Variants in SCAPER observed in about 807,000 individuals in gnomAD.
The protein encoded by SCAPER is S phase cyclin A-associated protein in the endoplasmic reticulum.
Under a neutral mutation model 182.2 loss-of-function variants are expected in SCAPER, and 98 were observed. The ratio of observed to expected loss-of-function variants is 0.54; its 90% CI spans 0.46 to 0.64. The LOEUF (loss-of-function observed/expected upper bound fraction) is 0.64. SCAPER is among the 30% of genes least tolerant of loss of function. The pLI is 0.00. For missense variants in SCAPER, 1,432 were observed against 1,690.0 expected, an observed-to-expected ratio of 0.85 and a Z score of 2.68; for synonymous variants, 605 against 564.6, an observed-to-expected ratio of 1.07 and a Z score of -1.01.
intron 26 of SCAPER, among the ~76,000 whole-genome samples, chr15:76,413,157 G>A (rs577782666): frequency 2.0e-5 from 3 of 151,930 alleles, no homozygotes; most frequent in African/African-American, 4.8e-5. Context: ...TTTTCTATAC[G>A]TGCAATCATG....
intron 4 of SCAPER, among the ~76,000 whole-genome samples, chr15:76,846,587 G>C (rs912082840): frequency 6.6e-6 from 1 of 152,008 alleles, no homozygotes; most frequent in Admixed American, 6.6e-5. Context: ...TGGCAAACAG[G>C]CATATGAAAA....
chr15:76,537,785 T>C (rs1318208420), intron 23 of SCAPER, among the ~76,000 whole-genome samples: 4 of 152,178 alleles, frequency 2.6e-5, no homozygotes, highest in Admixed American at 1.3e-4. Flanking sequence ...ACAGGCAACC[T>C]ACAAAATGGG....
intron 5 of SCAPER, among the ~76,000 whole-genome samples, chr15:76,825,908 C>A (rs1052593041): frequency 6.6e-6 from 1 of 152,146 alleles, no homozygotes; most frequent in Non-Finnish European, 1.5e-5. Flanking sequence ...CCACGCCCAG[C>A]TAATTTTTGT....
In SCAPER at chr15:76,672,813, C is replaced by A. The variant is rs539645005; in HGVS notation, c.2509-7024G>T. Among the ~76,000 whole-genome samples the A allele has an allele frequency of 8.6e-4, 131 of 152,098 alleles. 1 individual carries two copies. Among genetic ancestry groups the A allele is most frequent in the Non-Finnish European group, 1.4e-3 (95 of 67,940 alleles). Reference sequence around the variant, plus strand: ...AAACTTTCAAGAATATAAAAAGAATCGCTTCTCAGCCTTTTGGCTAAGATC... The same window carrying A: ...AAACTTTCAAGAATATAAAAAGAATAGCTTCTCAGCCTTTTGGCTAAGATC... On this transcript the variant is annotated intron_variant, in intron 20 of 31. Coordinates refer to ENST00000563290, the MANE Select transcript of SCAPER (RefSeq NM_020843.4).
chr15:76,782,228 G>T (rs2064202102), intron 8 of SCAPER, among the ~76,000 whole-genome samples: 1 of 152,008 alleles, frequency 6.6e-6, no homozygotes, highest in Admixed American at 6.6e-5. Flanking sequence ...AAAAACAGGG[G>T]TTGCAATCCT....
At chr15:76,745,292 T>A (rs991531572) in intron 15 of SCAPER, among the ~76,000 whole-genome samples, 1 of 151,654 alleles carries the variant, frequency 6.6e-6, no homozygotes, top group Non-Finnish European at 1.5e-5. Context: ...AATAAAAAAA[T>A]AAAAAAATTA....
chr15:76,563,967 C>A (rs1165848150), intron 23 of SCAPER, among the ~76,000 whole-genome samples: 1 of 152,080 alleles, frequency 6.6e-6, no homozygotes, highest in Non-Finnish European at 1.5e-5. Context: ...ATTCAACATC[C>A]CTTCATGTTA....
chr15:76,694,924 T>C (rs573884203), intron 20 of SCAPER, among the ~76,000 whole-genome samples: 1 of 152,234 alleles, frequency 6.6e-6, no homozygotes, highest in South Asian at 2.1e-4. Flanking sequence ...AAAAAATACT[T>C]TTTGCTGTAA....
intron 21 of SCAPER, among the ~76,000 whole-genome samples, chr15:76,656,920 G>T (rs1297710329): frequency 6.6e-6 from 1 of 152,164 alleles, no homozygotes; most frequent in African/African-American, 2.4e-5. Context: ...GAAGTTTATA[G>T]TGCTAAACTA....
At chr15:76,440,787 A>C (rs1200188684) in intron 25 of SCAPER, among the ~76,000 whole-genome samples, 1 of 152,216 alleles carries the variant, frequency 6.6e-6, no homozygotes, top group Non-Finnish European at 1.5e-5. Context: ...TATGCATAAA[A>C]ATAGAACTGA....
intron 27 of SCAPER, among the ~76,000 whole-genome samples, chr15:76,390,049 T>C (rs1027873473): frequency 6.6e-6 from 1 of 151,964 alleles, no homozygotes; most frequent in African/African-American, 2.4e-5. Flanking sequence ...CTTGAACTCG[T>C]AGGCTCAAGC....
At chr15:76,526,495 A>T (rs2043209160) in intron 23 of SCAPER, among the ~76,000 whole-genome samples, 1 of 152,120 alleles carries the variant, frequency 6.6e-6, no homozygotes, top group Admixed American at 6.5e-5. Context: ...AATAGTGCTA[A>T]TTCTTCTTTT....
intron 23 of SCAPER, among the ~76,000 whole-genome samples, chr15:76,544,581 A>G (rs1166812198): frequency 6.6e-6 from 1 of 152,158 alleles, no homozygotes; most frequent in Non-Finnish European, 1.5e-5. Context: ...CATATCGAAT[A>G]ATTTTATTCA....
chr15:76,514,591 A>G (rs1048049500), intron 23 of SCAPER, among the ~76,000 whole-genome samples: 6 of 152,208 alleles, frequency 3.9e-5, no homozygotes, highest in Non-Finnish European at 8.8e-5. Context: ...AGCTTTTTAG[A>G]CAGAGGTGGC....
At chr15:76,882,896 C>A (rs2073644436) in intron 2 of SCAPER, among the ~76,000 whole-genome samples, 3 of 152,200 alleles carry the variant, frequency 2.0e-5, no homozygotes, top group African/African-American at 4.8e-5. Flanking sequence ...GGTCTCCTGA[C>A]CTTGTGATCC....
At chr15:76,541,045 G>A (rs1447267069) in intron 23 of SCAPER, among the ~76,000 whole-genome samples, 2 of 151,816 alleles carry the variant, frequency 1.3e-5, no homozygotes, top group South Asian at 2.1e-4. Context: ...CCTTGAACCC[G>A]GGAGGCGGAG....
At chr15:76,870,196 G>T (rs2072604686) in intron 2 of SCAPER, among the ~76,000 whole-genome samples, 1 of 152,102 alleles carries the variant, frequency 6.6e-6, no homozygotes, top group Non-Finnish European at 1.5e-5. Flanking sequence ...TCAGAGGGGT[G>T]ACTATAGTTA....
chr15:76,607,725 C>G (rs1221149830), intron 22 of SCAPER, among the ~76,000 whole-genome samples: 3 of 151,842 alleles, frequency 2.0e-5, no homozygotes, highest in Non-Finnish European at 4.4e-5. Flanking sequence ...TCTTTTTACT[C>G]TTTTTTCTCT....
At chr15:76,607,168 C>A (rs1330643412) in intron 22 of SCAPER, among the ~76,000 whole-genome samples, 1 of 152,172 alleles carries the variant, frequency 6.6e-6, no homozygotes, top group South Asian at 2.1e-4. Flanking sequence ...TTGTTCCTTT[C>A]CATGTTTAGT....
Sources: gnomAD v4.1 joint callset for allele counts (sites outside exome capture counted in the v4.1 genomes callset) on GRCh38, gnomAD v4.1.1 for gene constraint, MANE v1.5 for transcripts, NCBI Gene and HGNC (gene_info 2026-07-23, HGNC 2026-07-21) for gene names.